The following SPTA1 variants were observed in gnomAD, a reference collection of about 807,000 sequenced individuals.
SPTA1 encodes the protein spectrin alpha chain, erythrocytic 1.
In SPTA1, 177 loss-of-function variants were observed where a neutral mutation model predicts 324.7. The ratio of observed to expected loss-of-function variants is 0.55; its 90% CI spans 0.48 to 0.62. The LOEUF (loss-of-function observed/expected upper bound fraction) is 0.62. SPTA1 is among the 20% of genes least tolerant of loss of function. The pLI is 0.00. For missense variants in SPTA1, 3,162 were observed against 2,883.6 expected (o/e 1.10, Z -2.21); for synonymous variants, 1,195 against 1,041.3 (o/e 1.15, Z -2.84).
intron 27 of SPTA1, among the ~76,000 whole-genome samples, chr1:158,646,978 TTTTAAG>T (rs1011669664): frequency 7.2e-5 from 11 of 152,186 alleles, no homozygotes; most frequent in Admixed American, 5.2e-4. Context: ...CCAATATTAT[TTTTAAG>T]TTTATCTCTT....
chr1:158,672,273 T>G, intron 10 of SPTA1, 77 bp from the exon 11 acceptor site: 8 of 1,459,152 alleles, frequency 5.5e-6, no homozygotes, highest in Non-Finnish European at 7.4e-6. Context: ...ATATAATAAA[T>G]GCAAAGCCAT....
At chr1:158,671,082 G>C (rs1166641306) in intron 12 of SPTA1, among the ~76,000 whole-genome samples, 1 of 151,782 alleles carries the variant, frequency 6.6e-6, no homozygotes, top group African/African-American at 2.4e-5. Context: ...TATTTTTCTG[G>C]CTATTTTCAC....
In SPTA1 at chr1:158,671,452, G is replaced by A. The variant is rs199604294; in HGVS notation, c.1490C>T (p.Ala497Val). 3.7e-6 allele frequency: 6 copies of A among 1,611,836 alleles called. No individual in the cohort carries two copies. In the South Asian group the frequency reaches 5.5e-5, roughly 15 times the overall value. ...QVDSWMSRQE[A>V]FLENEDLGNS... ...TCCCAGATCCTCGTTTTCCAGGAAG[G>A]CCTGTAGAAGACAGAAAGACACACC... Residue 497 changes from alanine to valine, a missense_variant and splice_region_variant, in exon 12 of 52, where the codon GCC becomes GTC. Transcript: ENST00000643759.
Position 158,639,916 on chromosome 1 carries a change from T to G in SPTA1, c.4829A>C (p.Gln1610Pro). 6.2e-7 allele frequency: 1 copy of G among 1,614,002 alleles called. No individual in the cohort carries two copies. Among genetic ancestry groups the G allele is most frequent in the East Asian group, 2.2e-5 (1 of 44,880 alleles). The change falls in exon 34 of 52, where the codon CAG becomes CCG. Residue 1610 changes from glutamine to proline, a missense_variant. By Grantham distance (76) the Gln-to-Pro change is moderately conservative. Transcript: ENST00000643759. ...GTCCCGGATGCTTGTGTTGAACCTC[T>G]GTTGACGACTGGCCTCATTGAGCTT... ...GKKLNEASRQQRFNTSIRDFE... is the reference protein window; with the variant it reads ...GKKLNEASRQPRFNTSIRDFE...
rs1036389907 is a variant in SPTA1, at chr1:158,633,661, G to GAA, written c.5565+880_5565+881dup. Among the ~76,000 whole-genome samples, 144 of 61,180 alleles carry GAA rather than the reference G, an allele frequency of 2.4e-3. 1 individual carries two copies. The highest frequency in any genetic ancestry group is 0.01 in the Middle Eastern group (1 of 98). 40.1% of individuals were successfully genotyped at this position (61,180 alleles called of 152,430 possible). ...GGGAGACAGAGTGAGACTCTGTCTC[G>GAA]AAAAAAAAAAAAAAAAAGAAAAGAA... On this transcript the variant is annotated intron_variant, in intron 39 of 51. Transcript: ENST00000643759.
In SPTA1 at chr1:158,648,624, T is replaced by C. The variant is rs1652178022; in HGVS notation, c.3599A>G (p.Glu1200Gly). The C allele has an allele frequency of 6.2e-7, 1 of 1,613,802 alleles. No individual in the cohort carries two copies. The highest frequency in any genetic ancestry group is 1.7e-5 in the Admixed American group (1 of 59,968). ...AGCACTGAGGGCCTGGCATTTCTTC[T>C]CAATCTGCTCCTTCGTGTCATCTGC... ...READDTKEQI[E>G]KKCQALSAAD... Residue 1200 changes from glutamate (E) to glycine (G), a missense_variant, in exon 26 of 52, where the codon GAG (glutamate) becomes GGG (glycine). Physicochemically the swap from Glu to Gly is moderately conservative, Grantham distance 98. Coordinates refer to ENST00000643759, the MANE Select transcript of SPTA1 (RefSeq NM_003126.4).
At chr1:158,636,492 A>G in intron 37 of SPTA1, 149 bp downstream of exon 37, 1 of 923,062 alleles carries the variant, frequency 1.1e-6, no homozygotes, top group South Asian at 1.5e-5. Flanking sequence ...AATGTGGAAG[A>G]GAAAAGAATA....
rs2101878318 is a variant in SPTA1 at position 158,657,592 on chromosome 1, G to A, written c.2690C>T (p.Ala897Val). ...RAARRQNDLE[A>V]NVQFQQYLAD... ...CAGGTACTGCTGGAACTGGACATTG[G>A]CTTCAAGATCATTTTGTCGCCTAGC... Residue 897 changes from alanine to valine, a missense_variant, in exon 19 of 52, where the codon GCC becomes GTC. Ala to Val is a moderately conservative substitution (Grantham distance 64). Transcript: ENST00000643759. 6.2e-7 allele frequency: 1 copy of A among 1,614,056 alleles called. No individual in the cohort carries two copies. The highest frequency in any genetic ancestry group is 8.5e-7 in the Non-Finnish European group (1 of 1,179,988).
intron 4 of SPTA1, 101 bp downstream of exon 4, chr1:158,681,426 A>G (rs1654799660): frequency 6.3e-7 from 1 of 1,576,106 alleles, no homozygotes; most frequent in Non-Finnish European, 8.7e-7. Context: ...CCAGGAACAG[A>G]CATCCTGACT....
At chr1:158,671,547 G>C (rs1376503470) in intron 11 of SPTA1, 94 bp from the exon 12 acceptor site, 2 of 969,850 alleles carry the variant, frequency 2.1e-6, no homozygotes, top group African/African-American at 1.6e-5. Flanking sequence ...AGGCAGGAGG[G>C]AACAAGGTGG....
intron 7 of SPTA1, 80 bp downstream of exon 7, chr1:158,677,610 G>A (rs1654473383): frequency 6.4e-7 from 1 of 1,555,736 alleles, no homozygotes; most frequent in South Asian, 1.2e-5. Context: ...GTGCTCTCTG[G>A]AGGCACGGTA....
rs759796694 is a variant in SPTA1 at position 158,654,694 on chromosome 1, A to G, written c.2953T>C (p.Leu985=). The G allele has an allele frequency of 4.1e-5, 66 of 1,613,910 alleles. No individual in the cohort carries two copies. The South Asian group carries it at 6.9e-4, about 17-fold the overall frequency. The part of the protein sequence containing the change: ...GVAGEQRVMA[L]YDFQARSPRE... ...GGGCTGCGGGCCTGGAAGTCATATAAAGCCATGACCCTTTGTTCTCCAGCA... is the reference window on the plus strand; with the variant it reads ...GGGCTGCGGGCCTGGAAGTCATATAGAGCCATGACCCTTTGTTCTCCAGCA... The change falls in exon 21 of 52, where the codon TTA becomes CTA. Residue 985 remains leucine (L), a synonymous_variant. Transcript: ENST00000643759.
chr1:158,678,490 C>G lies in SPTA1; in HGVS notation c.723G>C (p.Glu241Asp). 6.2e-7 allele frequency: 1 copy of G among 1,613,704 alleles called. No individual in the cohort carries two copies. Among genetic ancestry groups the G allele is most frequent in the Non-Finnish European group, 8.5e-7 (1 of 1,179,760 alleles). ...GAAGGCGCTCCCAGGCAGCATTCAC[C>G]TCATTTTGCTTAGACTGAATTAAGG... ...DLPLIQSKQN[E>D]VNAAWERLRG... Residue 241 changes from glutamate (E) to aspartate (D), a missense_variant, in exon 6 of 52, where the codon GAG becomes GAC. Transcript: ENST00000643759.
At position 158,620,316 on chromosome 1, in the gene SPTA1, A is replaced by G. The variant is rs1263646168; in HGVS notation, c.6271T>C (p.Ser2091Pro). 1 of 1,614,118 alleles carries G rather than the reference A, an allele frequency of 6.2e-7. No homozygotes were observed. Among genetic ancestry groups the G allele is most frequent in the East Asian group, 2.2e-5 (1 of 44,856 alleles). The change falls in exon 44 of 52, where the codon TCC (serine) becomes CCC (proline). Residue 2091 changes from serine (S) to proline (P), a missense_variant. By Grantham distance (74) the Ser-to-Pro change is moderately conservative. Transcript: ENST00000643759. ...AAGTCTGCTTGAGCCCTAGCCAGGGAGGCCAAGAAGTCCTCATGGTCTTTC... is the reference window on the plus strand; with the variant it reads ...AAGTCTGCTTGAGCCCTAGCCAGGGGGGCCAAGAAGTCCTCATGGTCTTTC... ...LQKDHEDFLA[S>P]LARAQADFKC...
chr1:158,636,401 A>G (rs1443599265), intron 37 of SPTA1, among the ~76,000 whole-genome samples: 1 of 152,110 alleles, frequency 6.6e-6, no homozygotes, highest in Non-Finnish European at 1.5e-5. Context: ...ATTGTCAATC[A>G]TTCCCCAGGA....
chr1:158,650,512 G>T (rs904735880), intron 24 of SPTA1, among the ~76,000 whole-genome samples: 17 of 152,142 alleles, frequency 1.1e-4, no homozygotes, highest in Non-Finnish European at 2.1e-4. Context: ...CATAGATCCA[G>T]ATCTGAATCA....
rs1178129448 is a variant in SPTA1 at position 158,639,581 on chromosome 1, C to T, written c.4980+1G>A. On this transcript the variant is annotated splice_donor_variant, in intron 35 of 51. Transcript: ENST00000643759. LOFTEE classifies it high-confidence loss of function. ...AGGAGAGGGATGCCAACACTACTTA[C>T]CTCTCGAGCCAACATCTCTCTCTCC... 2 of 1,613,638 alleles carry T rather than the reference C, an allele frequency of 1.2e-6. No homozygotes were observed. Among genetic ancestry groups the T allele is most frequent in the South Asian group, 2.2e-5 (2 of 91,060 alleles).
At chr1:158,680,105 AG>A (rs1431241132) in intron 5 of SPTA1, among the ~76,000 whole-genome samples, 1 of 152,164 alleles carries the variant, frequency 6.6e-6, no homozygotes, top group Non-Finnish European at 1.5e-5. Flanking sequence ...AGTAAATAAA[AG>A]TAAAACCGCT....
chr1:158,681,510 T>C lies in SPTA1; in HGVS notation c.531+17A>G. The C allele has an allele frequency of 6.2e-7, 1 of 1,613,552 alleles. No homozygotes were observed. Among genetic ancestry groups the C allele is most frequent in the Non-Finnish European group, 8.5e-7 (1 of 1,179,598 alleles). On this transcript the variant is annotated intron_variant, in intron 4 of 51. Transcript: ENST00000643759. ...GGAGTGGGAGGCCCTGTGTGATTGCTGTTTTAAGTTCGATACCTTGTCTCC... is the reference window on the plus strand; with the variant it reads ...GGAGTGGGAGGCCCTGTGTGATTGCCGTTTTAAGTTCGATACCTTGTCTCC...
Sources: gnomAD v4.1 joint callset for allele counts (sites outside exome capture counted in the v4.1 genomes callset) on GRCh38, gnomAD v4.1.1 for gene constraint, MANE v1.5 for transcripts, NCBI Gene and HGNC (gene_info 2026-07-23, HGNC 2026-07-21) for gene names.